The following DACH2 variants were observed in gnomAD, a reference collection of about 807,000 sequenced individuals.
DACH2 encodes dachshund family transcription factor 2, also known as dachshund homolog 2.
In DACH2, 17 loss-of-function variants were observed where a neutral mutation model predicts 35.8. The ratio of observed to expected loss-of-function variants is 0.48; its 90% CI spans 0.33 to 0.71. DACH2 has a LOEUF of 0.71. Among genes scored for constraint, DACH2 ranks in the 30% least tolerant of loss-of-function variants. The pLI is 0.02. For missense variants in DACH2, 469 were observed against 472.7 expected, an observed-to-expected ratio of 0.99 and a Z score of 0.07; for synonymous variants, 195 against 177.3, an observed-to-expected ratio of 1.10 and a Z score of -0.79.
rs1358289484 is a variant in DACH2 at position 86,813,248 on chromosome X, G to A, written c.1508G>A (p.Arg503Lys). Residue 503 changes from arginine to lysine, a missense_variant, in exon 9 of 12, where the codon AGA (arginine) becomes AAA (lysine). Arg to Lys is a conservative substitution (Grantham distance 26, BLOSUM62 2). This residue lies in a region of DACH2 where 363 missense variants were observed against 334.4 expected (regional missense o/e 1.09). Transcript: ENST00000373125. ...AGAGAAATTAGAGAAAACCTTGAAAGACAACTTGCAGTTGAGCTTCAAAGC... is the reference window on the plus strand; with the variant it reads ...AGAGAAATTAGAGAAAACCTTGAAAAACAACTTGCAGTTGAGCTTCAAAGC... ...REREIRENLE[R>K]QLAVELQSRT... 3 of 1,198,919 alleles carry A rather than the reference G, an allele frequency of 2.5e-6. No homozygotes were observed. The African/African-American group carries it at 5.4e-5, about 21-fold the overall frequency.
chrX:86,417,348 A>G (rs969132370), intron 2 of DACH2, among the ~76,000 whole-genome samples: 2 of 111,427 alleles, frequency 1.8e-5, no homozygotes, highest in African/African-American at 6.5e-5. Flanking sequence ...ATATTAGTCA[A>G]TTTTCATGCT....
At chrX:86,825,501 T>C (rs1475782924) in intron 11 of DACH2, among the ~76,000 whole-genome samples, 1 of 112,005 alleles carries the variant, frequency 8.9e-6, no homozygotes, top group Non-Finnish European at 1.9e-5. Flanking sequence ...TCTCAGATTA[T>C]TTAGAGATTT....
chrX:86,344,323 C>CATATATATATATATAT (rs761609271), intron 1 of DACH2, among the ~76,000 whole-genome samples: 1 of 90,233 alleles, frequency 1.1e-5, no homozygotes, highest in Non-Finnish European at 2.2e-5. Context: ...CTTGGAAGTG[C>CATATATATATATATAT]ATATATATAT....
At chrX:86,634,260 C>G (rs763804720) in intron 3 of DACH2, among the ~76,000 whole-genome samples, 1 of 111,146 alleles carries the variant, frequency 9.0e-6, no homozygotes, top group South Asian at 3.8e-4. Flanking sequence ...GAGGTTTGGG[C>G]GGGGAGACAA....
intron 1 of DACH2, among the ~76,000 whole-genome samples, chrX:86,251,212 T>C (rs1208651983): frequency 2.7e-5 from 3 of 111,564 alleles, no homozygotes; most frequent in African/African-American, 9.7e-5. Flanking sequence ...GGAGATGGTC[T>C]AAGAAATCTC....
chrX:86,425,189 C>T (rs1433075601), intron 2 of DACH2, among the ~76,000 whole-genome samples: 1 of 110,832 alleles, frequency 9.0e-6, no homozygotes, highest in Non-Finnish European at 1.9e-5. Flanking sequence ...ATACTAGTCT[C>T]ATAGAATGAG....
chrX:86,320,219 A>G (rs748086703), intron 1 of DACH2, among the ~76,000 whole-genome samples: 2 of 112,236 alleles, frequency 1.8e-5, no homozygotes, highest in Admixed American at 9.4e-5. Flanking sequence ...TGAGAAAAAA[A>G]CCTTTTCCAG....
At chrX:86,225,745 T>C (rs1397596809) in intron 1 of DACH2, among the ~76,000 whole-genome samples, 1 of 110,600 alleles carries the variant, frequency 9.0e-6, no homozygotes, top group Non-Finnish European at 1.9e-5. Flanking sequence ...TAAAATGAAA[T>C]AAAATGAGTT....
At chrX:86,252,103 C>G (rs192568009) in intron 1 of DACH2, among the ~76,000 whole-genome samples, 441 of 111,249 alleles carry the variant, frequency 4.0e-3, no homozygotes, top group Non-Finnish European at 6.5e-3. Context: ...TGACGTTGAC[C>G]ATTTTTTTCA....
At chrX:86,248,487 G>A (rs918040984) in intron 1 of DACH2, among the ~76,000 whole-genome samples, 6 of 110,930 alleles carry the variant, frequency 5.4e-5, no homozygotes, top group Non-Finnish European at 9.5e-5. Flanking sequence ...ACGCAAATGA[G>A]GAAGGTTAAA....
At chrX:86,251,318 T>C (rs2033395136) in intron 1 of DACH2, among the ~76,000 whole-genome samples, 1 of 111,556 alleles carries the variant, frequency 9.0e-6, no homozygotes, top group Non-Finnish European at 1.9e-5. Context: ...GAATCTTCTC[T>C]GTTATTTCAT....
chrX:86,414,495 T>C (rs186364186), intron 2 of DACH2, among the ~76,000 whole-genome samples: 3 of 111,760 alleles, frequency 2.7e-5, no homozygotes, highest in Admixed American at 9.5e-5. Flanking sequence ...CTGAGGTTCC[T>C]ACTGTTAGAT....
chrX:86,395,312 T>C (rs2036267406), intron 2 of DACH2, among the ~76,000 whole-genome samples: 1 of 111,676 alleles, frequency 9.0e-6, no homozygotes, highest in African/African-American at 3.2e-5. Context: ...ATTAATGAAG[T>C]TATTTTAGTC....
chrX:86,657,273 C>T (rs906999010), intron 4 of DACH2, among the ~76,000 whole-genome samples: 5 of 110,522 alleles, frequency 4.5e-5, no homozygotes, highest in Admixed American at 3.9e-4. Flanking sequence ...TAACACAAAG[C>T]GTGAATGCTT....
At chrX:86,368,696 A>C (rs765157179) in intron 1 of DACH2, among the ~76,000 whole-genome samples, 38 of 108,773 alleles carry the variant, frequency 3.5e-4, no homozygotes, top group African/African-American at 1.1e-3. Context: ...CTGAGTATCT[A>C]GGACTACATG....
At chrX:86,593,551 C>T (rs925565992) in intron 3 of DACH2, among the ~76,000 whole-genome samples, 13 of 108,964 alleles carry the variant, frequency 1.2e-4, no homozygotes, top group Non-Finnish European at 1.7e-4. Context: ...CTCAGCCTCC[C>T]GAGTAGCTGG....
chrX:86,702,128 C>T (rs1266386486), intron 5 of DACH2, among the ~76,000 whole-genome samples: 1 of 111,636 alleles, frequency 9.0e-6, no homozygotes, highest in Non-Finnish European at 1.9e-5. Flanking sequence ...GAACCCTCAA[C>T]GCTATAGAAG....
At chrX:86,595,472 A>G (rs1263874175) in intron 3 of DACH2, among the ~76,000 whole-genome samples, 1 of 110,663 alleles carries the variant, frequency 9.0e-6, no homozygotes. Context: ...CTACCTTTTT[A>G]CTTTTAATCT....
At chrX:86,464,989 A>G (rs1289667691) in intron 2 of DACH2, among the ~76,000 whole-genome samples, 1 of 112,508 alleles carries the variant, frequency 8.9e-6, no homozygotes, top group East Asian at 2.8e-4. Flanking sequence ...AATAAAGTAT[A>G]TGAGTGACTT....
Sources: allele counts gnomAD v4.1 joint callset (sites outside exome capture counted in the v4.1 genomes callset), GRCh38; gene constraint gnomAD v4.1.1; regional missense constraint gnomAD v4.1.1; transcripts MANE v1.5; gene names NCBI Gene and HGNC (gene_info 2026-07-23, HGNC 2026-07-21).